The following KCNMA1 variants were observed in gnomAD, a reference collection of about 807,000 sequenced individuals.
KCNMA1 encodes the protein potassium calcium-activated channel subfamily M alpha 1, also known as Calcium-activated potassium channel subunit alpha-1.
A neutral mutation model predicts 140.0 loss-of-function variants in KCNMA1; 29 were observed. The observed-to-expected ratio is 0.21, with a 90% CI of 0.15 to 0.28. The LOEUF (loss-of-function observed/expected upper bound fraction) is 0.28, where lower values mean the gene tolerates loss of function less well. Ranked by LOEUF, KCNMA1 falls within the 10% of genes least tolerant of loss-of-function variation. The pLI, the probability that KCNMA1 is intolerant of heterozygous loss-of-function variation, is 1.00. For missense variants in KCNMA1, 880 were observed against 1,602.2 expected (o/e 0.55, Z 7.70); for synonymous variants, 612 against 611.9 (o/e 1.00, Z 0.00).
At chr10:77,437,296 G>T (rs2097285723) in intron 1 of KCNMA1, among the ~76,000 whole-genome samples, 2 of 152,154 alleles carry the variant, frequency 1.3e-5, no homozygotes, top group Non-Finnish European at 2.9e-5. Flanking sequence ...GGGAGAAAAA[G>T]GAAGGGGAGA....
intron 2 of KCNMA1, among the ~76,000 whole-genome samples, chr10:77,381,015 G>A (rs2095364490): frequency 6.6e-6 from 1 of 152,154 alleles, no homozygotes; most frequent in Admixed American, 6.5e-5. Context: ...CATTTGGAGT[G>A]GAAATGGCTT....
intron 2 of KCNMA1, among the ~76,000 whole-genome samples, chr10:77,258,326 T>C (rs972358890): frequency 6.6e-6 from 1 of 152,218 alleles, no homozygotes; most frequent in Non-Finnish European, 1.5e-5. Context: ...CTCAGATTCA[T>C]AGTTTGTGTT....
intron 24 of KCNMA1, chr10:76,913,141 C>G (rs2051066894): frequency 6.6e-6 from 1 of 152,192 alleles, no homozygotes; most frequent in South Asian, 2.1e-4. Context: ...ATGGGGTGTT[C>G]ATTTCATTTG....
chr10:76,886,787 T>C lies in KCNMA1; in HGVS notation c.*479A>G. The C allele has an allele frequency of 9.7e-7, 1 of 1,028,598 alleles. No individual in the cohort carries two copies. Among genetic ancestry groups the C allele is most frequent in the East Asian group, 8.6e-5 (1 of 11,622 alleles). 63.7% of individuals were successfully genotyped at this position (1,028,598 alleles called of 1,614,324 possible). A position where few individuals can be genotyped will look rare whatever the true frequency, so the allele number is the denominator to read the frequency against. On this transcript the variant is annotated 3_prime_UTR_variant, in exon 28 of 28. Coordinates refer to ENST00000286628, the MANE Select transcript of KCNMA1 (RefSeq NM_001161352.2). The stretch of plus-strand genomic sequence containing the variant: ...GTTTTCATTGCTGTTTGGTTGCTTG[T>C]TTCAAATAAACATGTGCTAACTTAT...
At chr10:77,363,747 A>G (rs1195926726) in intron 2 of KCNMA1, among the ~76,000 whole-genome samples, 1 of 151,990 alleles carries the variant, frequency 6.6e-6, no homozygotes, top group African/African-American at 2.4e-5. Flanking sequence ...AGTGAGACAT[A>G]CACTCCTCCC....
intron 2 of KCNMA1, among the ~76,000 whole-genome samples, chr10:77,336,037 A>C (rs1335256897): frequency 6.6e-6 from 1 of 152,200 alleles, no homozygotes; most frequent in Admixed American, 6.5e-5. Context: ...ATAGTAATGC[A>C]TACAGCAGAT....
intron 1 of KCNMA1, among the ~76,000 whole-genome samples, chr10:77,604,238 C>T (rs1050021636): frequency 6.6e-6 from 1 of 152,196 alleles, no homozygotes; most frequent in Non-Finnish European, 1.5e-5. Flanking sequence ...TGACCCTAAG[C>T]CCATGGCTTT....
At chr10:77,028,023 C>G in intron 15 of KCNMA1, 132 bp from the exon 16 acceptor site, 2 of 817,906 alleles carry the variant, frequency 2.4e-6, no homozygotes, top group Non-Finnish European at 4.1e-6. Flanking sequence ...CGGCACTGTG[C>G]CAAAGGGAGG....
At chr10:77,526,065 A>T (rs2055505920) in intron 1 of KCNMA1, among the ~76,000 whole-genome samples, 1 of 152,182 alleles carries the variant, frequency 6.6e-6, no homozygotes, top group East Asian at 1.9e-4. Flanking sequence ...GACTCTGGAC[A>T]TTGCCATGTC....
intron 2 of KCNMA1, among the ~76,000 whole-genome samples, chr10:77,350,098 C>A (rs1444496187): frequency 6.6e-6 from 1 of 152,130 alleles, no homozygotes; most frequent in Non-Finnish European, 1.5e-5. Flanking sequence ...GGGGTTTCAC[C>A]ATGTTGGCCA....
At chr10:77,290,943 G>T (rs1302405437) in intron 2 of KCNMA1, among the ~76,000 whole-genome samples, 1 of 152,136 alleles carries the variant, frequency 6.6e-6, no homozygotes, top group Admixed American at 6.5e-5. Flanking sequence ...TGGAAAGAAG[G>T]CTCGGAGATT....
chr10:76,913,231 G>C (rs970803006), intron 24 of KCNMA1: 4 of 152,186 alleles, frequency 2.6e-5, no homozygotes, highest in African/African-American at 9.7e-5. Context: ...CTATTTAGAA[G>C]ATCAATCCCC....
chr10:77,230,490 A>G (rs1269233310), intron 3 of KCNMA1, among the ~76,000 whole-genome samples: 3 of 152,246 alleles, frequency 2.0e-5, no homozygotes, highest in Admixed American at 1.3e-4. Context: ...TGGTAAAGTT[A>G]GAAGATATTT....
At chr10:76,878,693 C>G (rs1311459006) in intron 29 of KCNMA1, among the ~76,000 whole-genome samples, 1 of 152,090 alleles carries the variant, frequency 6.6e-6, no homozygotes, top group Non-Finnish European at 1.5e-5. Flanking sequence ...ACCCTAAATA[C>G]AGAAATGGCT....
rs2065420356 is a variant in KCNMA1, at chr10:76,949,472, G to A, written c.2485-106C>T. 5 of 917,460 alleles carry A rather than the reference G, an allele frequency of 5.4e-6. No homozygotes were observed. In the Admixed American group the frequency reaches 9.9e-5, roughly 18 times the overall value. 56.8% of individuals were successfully genotyped at this position (917,460 alleles called of 1,614,324 possible). ...AAAGAATCAAGCAAATATTTGCTGA[G>A]AGCTTACTATGTGCTATTATTTTTA... On this transcript the variant is annotated intron_variant, in intron 21 of 27. Coordinates refer to ENST00000286628, the MANE Select transcript of KCNMA1 (RefSeq NM_001161352.2).
intron 5 of KCNMA1, among the ~76,000 whole-genome samples, chr10:77,170,215 A>T (rs955965848): frequency 3.9e-5 from 6 of 152,034 alleles, no homozygotes; most frequent in African/African-American, 4.8e-5. Flanking sequence ...AAATAAATTT[A>T]AAAAAAAGAA....
intron 19 of KCNMA1, among the ~76,000 whole-genome samples, chr10:76,971,751 A>T (rs1270447383): frequency 6.6e-6 from 1 of 152,238 alleles, no homozygotes; most frequent in East Asian, 1.9e-4. Context: ...ATCAGAAATG[A>T]GTATCCAAAG....
At position 77,112,523 on chromosome 10, in the gene KCNMA1, C is replaced by T. The variant is rs12778504; in HGVS notation, c.885-81G>A. On this transcript the variant is annotated intron_variant, in intron 6 of 27. Coordinates refer to ENST00000286628, the MANE Select transcript of KCNMA1 (RefSeq NM_001161352.2). ...GGCTGCCTTACAGGGTAACAGCACC[C>T]GCTTAGCAGGAGAGGCTGCCACATC... 26,197 of 969,270 alleles carry T rather than the reference C, an allele frequency of 0.027. 491 individuals are homozygous for T. Among genetic ancestry groups the T allele is most frequent in the Middle Eastern group, 0.055 (242 of 4,410 alleles). The allele number at this position is 969,270 out of a possible 1,614,324, so 60.0% of individuals were successfully genotyped here. A position where few individuals can be genotyped will look rare whatever the true frequency, so the allele number is the denominator to read the frequency against.
At chr10:77,179,011 G>C (rs1352247522) in intron 5 of KCNMA1, among the ~76,000 whole-genome samples, 1 of 152,172 alleles carries the variant, frequency 6.6e-6, no homozygotes, top group African/African-American at 2.4e-5. Flanking sequence ...TTTTTATTCT[G>C]TTCTGGTTTG....
Sources: gnomAD v4.1 joint callset for allele counts (sites outside exome capture counted in the v4.1 genomes callset) on GRCh38, gnomAD v4.1.1 for gene constraint, MANE v1.5 for transcripts, NCBI Gene and HGNC (gene_info 2026-07-23, HGNC 2026-07-21) for gene names.